Variants in UVSSA observed in about 807,000 individuals in gnomAD.
UVSSA encodes the protein UV stimulated scaffold protein A.
A neutral mutation model predicts 73.9 loss-of-function variants in UVSSA; 72 were observed. The ratio of observed to expected loss-of-function variants is 0.97; its 90% CI spans 0.81 to 1.19. The LOEUF (loss-of-function observed/expected upper bound fraction) is 1.19, where lower values mean the gene tolerates loss of function less well. UVSSA is among the 50% of genes most tolerant of loss of function. The probability of loss-of-function intolerance (pLI) is 0.00; values close to 1 mark genes in which losing one functional copy is unlikely to be tolerated. For missense variants in UVSSA, 1,150 were observed against 965.0 expected, an observed-to-expected ratio of 1.19 and a Z score of -2.54; for synonymous variants, 454 against 391.3, an observed-to-expected ratio of 1.16 and a Z score of -1.89.
chr4:1,354,472 A>G, intron 5 of UVSSA: 1 of 499,078 alleles, frequency 2.0e-6, no homozygotes, highest in Non-Finnish European at 3.7e-6. Context: ...TCCAGATGGG[A>G]TGGCTGCAGC....
At chr4:1,373,310 G>T (rs948138686) in intron 8 of UVSSA, among the ~76,000 whole-genome samples, 1 of 152,186 alleles carries the variant, frequency 6.6e-6, no homozygotes, top group East Asian at 1.9e-4. Flanking sequence ...TCGAGGGCAG[G>T]AAGCATCCAG....
intron 8 of UVSSA, among the ~76,000 whole-genome samples, chr4:1,371,157 C>G (rs774628870): frequency 6.6e-6 from 1 of 151,886 alleles, no homozygotes; most frequent in Admixed American, 6.6e-5. Context: ...TGTGTGTGGA[C>G]GTGTATGTGT....
At chr4:1,348,283 C>T (rs1714042747) in intron 2 of UVSSA, 94 bp downstream of exon 2, 1 of 946,746 alleles carries the variant, frequency 1.1e-6, no homozygotes, top group African/African-American at 1.6e-5. Flanking sequence ...TGGGAGAGAA[C>T]CACCCGAGGG....
intron 10 of UVSSA, among the ~76,000 whole-genome samples, chr4:1,377,218 TG>T (rs1436233518): frequency 2.0e-5 from 3 of 152,210 alleles, no homozygotes; most frequent in African/African-American, 7.2e-5. Context: ...CCACTGCCTC[TG>T]TGTCTGGATG....
upstream of UVSSA, among the ~76,000 whole-genome samples, chr4:1,343,279 T>C (rs1713497232): frequency 6.6e-6 from 1 of 152,110 alleles, no homozygotes; most frequent in African/African-American, 2.4e-5. Flanking sequence ...TGCACACACA[T>C]CTCAGGAGTC....
In UVSSA at chr4:1,395,366, G is replaced by A. The variant is rs535763212; in HGVS notation, c.*9405G>A. 403 of 1,457,780 alleles carry A rather than the reference G, an allele frequency of 2.8e-4. 13 individuals carry two copies. The East Asian group carries it at 4.7e-3, about 17-fold the overall frequency. 90.3% of individuals were successfully genotyped at this position (1,457,780 alleles called of 1,614,324 possible). A position where few individuals can be genotyped will look rare whatever the true frequency, so the allele number is the denominator to read the frequency against. ...GGGTGCCCGCCTGCTCACATGTGCC[G>A]ATGTGGAGTGCCCGCCTGCTCACAC... On this transcript the variant is annotated 3_prime_UTR_variant, in exon 14 of 14. Transcript: ENST00000511216.
intron 2 of UVSSA, among the ~76,000 whole-genome samples, chr4:1,349,041 T>A (rs71614968): frequency 1.7e-5 from 2 of 120,578 alleles, no homozygotes; most frequent in African/African-American, 7.7e-5. Context: ...AGGCGGTGTG[T>A]GTTTGTGCCG....
chr4:1,374,166 T>C (rs1413630938), intron 8 of UVSSA, among the ~76,000 whole-genome samples: 1 of 152,226 alleles, frequency 6.6e-6, no homozygotes, highest in Non-Finnish European at 1.5e-5. Context: ...GTCCAGGTTC[T>C]TCTGGGGTCC....
At chr4:1,364,833 G>T (rs902268074) in intron 7 of UVSSA, among the ~76,000 whole-genome samples, 12 of 152,168 alleles carry the variant, frequency 7.9e-5, no homozygotes, top group Non-Finnish European at 1.3e-4. Context: ...TGCCCTAGCA[G>T]CCCTGCCAGC....
upstream of UVSSA, among the ~76,000 whole-genome samples, chr4:1,342,157 GT>G (rs1336602930): frequency 6.6e-6 from 1 of 152,216 alleles, no homozygotes; most frequent in Admixed American, 6.5e-5. Context: ...GTGTGTTTAT[GT>G]TTAACTGTAC....
At chr4:1,345,613 C>G (rs1484029001), upstream of UVSSA, among the ~76,000 whole-genome samples, 1 of 140,326 alleles carries the variant, frequency 7.1e-6, no homozygotes, top group Admixed American at 7.5e-5. Flanking sequence ...CCACTGCACT[C>G]CAGCCTGGGT....
chr4:1,374,443 A>C (rs980389141), intron 8 of UVSSA, among the ~76,000 whole-genome samples: 1 of 152,240 alleles, frequency 6.6e-6, no homozygotes, highest in Non-Finnish European at 1.5e-5. Context: ...GCTGTGGTGC[A>C]GGAGGAGGGG....
upstream of UVSSA, among the ~76,000 whole-genome samples, chr4:1,342,306 CCA>C (rs1236660554): frequency 2.0e-5 from 3 of 152,132 alleles, no homozygotes; most frequent in Non-Finnish European, 4.4e-5. Flanking sequence ...TGCACTGGGG[CCA>C]CAGTGTGATT....
At position 1,385,905 on chromosome 4, in the gene UVSSA, A is replaced by G; in HGVS notation, c.2074A>G (p.Met692Val). 2.5e-6 allele frequency: 4 copies of G among 1,614,050 alleles called. No homozygotes were observed. The highest frequency in any genetic ancestry group is 3.4e-6 in the Non-Finnish European group (4 of 1,180,014). ...GAGGGTAGTGGCAGCCATGAACCGG[A>G]TGGACCAGAAGAAGCACGAGAAGTT... ...VRRVVAAMNR[M>V]DQKKHEKFSN... The change falls in exon 14 of 14, where the codon ATG (methionine) becomes GTG (valine). Residue 692 changes from methionine to valine, a missense_variant. Coordinates refer to ENST00000389851, the MANE Select transcript of UVSSA (RefSeq NM_020894.4).
chr4:1,388,528 C>T (rs779365127), downstream of UVSSA: 8 of 152,230 alleles, frequency 5.3e-5, no homozygotes, highest in East Asian at 1.9e-4. Context: ...CAGACATCCT[C>T]GTCTTACTCT....
At chr4:1,356,451 T>C (rs757741077) in intron 7 of UVSSA, 2 of 152,380 alleles carry the variant, frequency 1.3e-5, no homozygotes, top group African/African-American at 4.8e-5. Context: ...TTTATAGACA[T>C]GTGGGAGCCC....
chr4:1,383,673 C>T, intron 12 of UVSSA, 93 bp from the exon 13 acceptor site: 1 of 1,522,828 alleles, frequency 6.6e-7, no homozygotes, highest in Non-Finnish European at 9.0e-7. Context: ...GCCCCCCTGT[C>T]AGGACGAGAC....
intron 7 of UVSSA, among the ~76,000 whole-genome samples, chr4:1,360,171 C>T (rs1440515849): frequency 1.3e-5 from 2 of 152,252 alleles, no homozygotes; most frequent in Non-Finnish European, 2.9e-5. Flanking sequence ...ATCCCAAGGG[C>T]TGCCCACGGG....
intron 7 of UVSSA, among the ~76,000 whole-genome samples, chr4:1,364,321 G>A (rs557518210): frequency 2.0e-5 from 3 of 148,234 alleles, no homozygotes; most frequent in Non-Finnish European, 3.0e-5. Flanking sequence ...GCCTGGCTCC[G>A]TGGGGGCCAC....
Sources: allele counts gnomAD v4.1 joint callset (sites outside exome capture counted in the v4.1 genomes callset), GRCh38; gene constraint gnomAD v4.1.1; transcripts MANE v1.5; gene names NCBI Gene and HGNC (gene_info 2026-07-23, HGNC 2026-07-21).